The following GRID2 variants were observed in gnomAD, a reference collection of about 807,000 sequenced individuals.
GRID2 encodes glutamate ionotropic receptor delta type subunit 2.
Under a neutral mutation model 114.8 loss-of-function variants are expected in GRID2, and 33 were observed. The ratio of observed to expected loss-of-function variants is 0.29; its 90% CI spans 0.22 to 0.38. The LOEUF (loss-of-function observed/expected upper bound fraction) is 0.38, where lower values mean the gene tolerates loss of function less well. Among genes scored for constraint, GRID2 ranks in the 10% least tolerant of loss-of-function variants. GRID2 has a pLI of 1.00. For missense variants in GRID2, 1,184 were observed against 1,257.7 expected (o/e 0.94, Z 0.89); for synonymous variants, 505 against 449.9 (o/e 1.12, Z -1.55).
chr4:93,195,552 TCAGG>T (rs1456534549), intron 4 of GRID2, among the ~76,000 whole-genome samples: 1 of 152,166 alleles, frequency 6.6e-6, no homozygotes, highest in Admixed American at 6.6e-5. Context: ...GACAACGTCA[TCAGG>T]CAGAGAAGAT....
intron 10 of GRID2, among the ~76,000 whole-genome samples, chr4:93,429,309 A>G (rs1769173778): frequency 1.3e-5 from 2 of 152,210 alleles, no homozygotes; most frequent in African/African-American, 2.4e-5. Flanking sequence ...GTATAGGTTT[A>G]AGAGAAAACA....
chr4:93,167,678 A>G (rs1738385317), intron 4 of GRID2, among the ~76,000 whole-genome samples: 1 of 152,204 alleles, frequency 6.6e-6, no homozygotes, highest in African/African-American at 2.4e-5. Context: ...TTATTTGGAT[A>G]CTGATTCAAA....
chr4:93,739,182 C>T (rs1731169340), intron 14 of GRID2, among the ~76,000 whole-genome samples: 1 of 152,002 alleles, frequency 6.6e-6, no homozygotes, highest in Admixed American at 6.6e-5. Context: ...CAAACCATTT[C>T]TTTATTTTCT....
chr4:93,363,538 T>C (rs1420758094), intron 8 of GRID2, among the ~76,000 whole-genome samples: 7 of 152,176 alleles, frequency 4.6e-5, no homozygotes, highest in African/African-American at 1.7e-4. Flanking sequence ...GTGTTTTTTT[T>C]CTAATTAATT....
In GRID2 at chr4:93,241,130, A is replaced by G. The variant is rs73837731; in HGVS notation, c.1245+2640A>G. 6.6e-3 allele frequency among the ~76,000 whole-genome samples: 1,009 copies of G among 151,916 alleles called. 10 individuals are homozygous for G. Among genetic ancestry groups the G allele is most frequent in the African/African-American group, 0.023 (965 of 41,534 alleles). On this transcript the variant is annotated intron_variant, in intron 8 of 15. Coordinates refer to ENST00000282020, the MANE Select transcript of GRID2 (RefSeq NM_001510.4). The stretch of plus-strand genomic sequence containing the variant: ...CTGAGTGGTATTATAGTCTATAAAT[A>G]TAATATGGTATCTTCTAAATGTCAT...
At chr4:93,673,923 G>A (rs1334110533) in intron 14 of GRID2, among the ~76,000 whole-genome samples, 2 of 151,986 alleles carry the variant, frequency 1.3e-5, no homozygotes, top group African/African-American at 4.8e-5. Flanking sequence ...ACCAACTAGT[G>A]ACCCCGCCCT....
chr4:92,315,195 A>G (rs924010969), intron 1 of GRID2, among the ~76,000 whole-genome samples: 1 of 152,142 alleles, frequency 6.6e-6, no homozygotes, highest in Non-Finnish European at 1.5e-5. Flanking sequence ...GGTGAATTAT[A>G]TTTTTTGTGT....
chr4:93,800,201 A>G (rs1734900886), intron 1 of GRID2, among the ~76,000 whole-genome samples: 1 of 152,204 alleles, frequency 6.6e-6, no homozygotes, highest in Non-Finnish European at 1.5e-5. Flanking sequence ...AAAATATATG[A>G]TATGACAATC....
chr4:93,525,985 T>C lies in GRID2; in HGVS notation c.2193+10574T>C, dbSNP rs146754922. Among the ~76,000 whole-genome samples the C allele has an allele frequency of 1.5e-3, 224 of 152,270 alleles. 1 individual carries two copies. Among genetic ancestry groups the C allele is most frequent in the African/African-American group, 4.5e-3 (188 of 41,578 alleles). On this transcript the variant is annotated intron_variant, in intron 13 of 15. Coordinates refer to ENST00000282020, the MANE Select transcript of GRID2 (RefSeq NM_001510.4). ...TTACTCTCAAAGTTACTTCCCAAAT[T>C]GGAAAATGCATATATATTTTTTAAA...
chr4:93,631,041 T>A (rs1395103285), intron 14 of GRID2, among the ~76,000 whole-genome samples: 2 of 152,104 alleles, frequency 1.3e-5, no homozygotes, highest in South Asian at 4.1e-4. Flanking sequence ...AACTGAGACA[T>A]CATGAAGTAA....
At chr4:93,224,059 A>T (rs926296584) in intron 6 of GRID2, among the ~76,000 whole-genome samples, 2 of 152,168 alleles carry the variant, frequency 1.3e-5, no homozygotes, top group Non-Finnish European at 2.9e-5. Context: ...TAGATCCTTG[A>T]TCACTATAAT....
At chr4:92,794,687 G>A (rs775314013) in intron 2 of GRID2, among the ~76,000 whole-genome samples, 33 of 151,202 alleles carry the variant, frequency 2.2e-4, no homozygotes, top group Non-Finnish European at 3.2e-4. Context: ...AGAAGGAATA[G>A]AGATATCCAA....
At chr4:93,423,777 G>C (rs113896792) in intron 10 of GRID2, among the ~76,000 whole-genome samples, 10,413 of 152,042 alleles carry the variant, frequency 0.068, 402 homozygotes, top group Middle Eastern at 0.11. Context: ...TTGAGGCTCT[G>C]TTATTAGGCA....
chr4:93,802,488 A>T (rs1247423575), intron 1 of GRID2, among the ~76,000 whole-genome samples: 1 of 152,166 alleles, frequency 6.6e-6, no homozygotes, highest in Non-Finnish European at 1.5e-5. Flanking sequence ...AGTACCTCAC[A>T]AGAATTAAAA....
intron 2 of GRID2, among the ~76,000 whole-genome samples, chr4:93,060,323 T>C (rs1443630915): frequency 1.3e-5 from 2 of 152,168 alleles, no homozygotes; most frequent in African/African-American, 2.4e-5. Flanking sequence ...TAAGGAAATA[T>C]TCTCCTCCGG....
At chr4:93,427,865 G>T (rs1769006447) in intron 10 of GRID2, among the ~76,000 whole-genome samples, 1 of 151,950 alleles carries the variant, frequency 6.6e-6, no homozygotes, top group African/African-American at 2.4e-5. Flanking sequence ...CTGGCCAAAA[G>T]ATATGAAACA....
Position 92,897,529 on chromosome 4 carries a change from A to G in GRID2, c.245-187466A>G, listed in dbSNP as rs150801627. On this transcript the variant is annotated intron_variant, in intron 2 of 15. Coordinates refer to ENST00000282020, the MANE Select transcript of GRID2 (RefSeq NM_001510.4). Reference sequence around the variant, plus strand: ...CTTTCTTTCAGAATCTTTCCATGCCACTTCCAGCAGGACTTACACGTGGGT... The same window carrying G: ...CTTTCTTTCAGAATCTTTCCATGCCGCTTCCAGCAGGACTTACACGTGGGT... 1.4e-3 allele frequency among the ~76,000 whole-genome samples: 213 copies of G among 152,240 alleles called. 1 individual carries two copies. The highest frequency in any genetic ancestry group is 4.8e-3 in the African/African-American group (199 of 41,558).
chr4:92,995,774 T>C (rs1755160624), intron 2 of GRID2, among the ~76,000 whole-genome samples: 1 of 152,140 alleles, frequency 6.6e-6, no homozygotes, highest in Non-Finnish European at 1.5e-5. Context: ...ATTATAGCAT[T>C]TTCTCTATCT....
intron 4 of GRID2, among the ~76,000 whole-genome samples, chr4:93,130,129 C>A (rs1289136446): frequency 6.6e-6 from 1 of 150,818 alleles, no homozygotes; most frequent in Non-Finnish European, 1.5e-5. Flanking sequence ...GGCGGGAGAC[C>A]CAAATGCAAA....
Sources: allele counts gnomAD v4.1 joint callset (sites outside exome capture counted in the v4.1 genomes callset), GRCh38; gene constraint gnomAD v4.1.1; transcripts MANE v1.5; gene names NCBI Gene and HGNC (gene_info 2026-07-23, HGNC 2026-07-21).